Variants in SLC16A9 observed in about 807,000 individuals in gnomAD.
SLC16A9 encodes solute carrier family 16 member 9.
SLC16A9 carries 26 observed loss-of-function variants against 44.3 expected under a neutral mutation model. The ratio of observed to expected loss-of-function variants is 0.59; its 90% CI spans 0.43 to 0.81. The LOEUF (loss-of-function observed/expected upper bound fraction) is 0.81, where lower values mean the gene tolerates loss of function less well. Ranked by LOEUF, SLC16A9 falls within the 40% of genes least tolerant of loss-of-function variation. The pLI, the probability that SLC16A9 is intolerant of heterozygous loss-of-function variation, is 0.00. For synonymous variants in SLC16A9, 230 were observed against 225.1 expected (o/e 1.02, Z -0.19); for missense variants, 559 against 595.8 (o/e 0.94, Z 0.64).
intron 1 of SLC16A9, among the ~76,000 whole-genome samples, chr10:59,690,179 T>A (rs935926784): frequency 6.6e-6 from 1 of 152,102 alleles, no homozygotes; most frequent in Non-Finnish European, 1.5e-5. Flanking sequence ...CAGATCAAGA[T>A]GCTGTCTCAA....
intron 1 of SLC16A9, among the ~76,000 whole-genome samples, chr10:59,685,456 C>A (rs1218516266): frequency 6.6e-6 from 1 of 152,178 alleles, no homozygotes; most frequent in East Asian, 1.9e-4. Flanking sequence ...CTGGCAAACT[C>A]AAGTATAGAT....
intron 2 of SLC16A9, among the ~76,000 whole-genome samples, chr10:59,678,592 G>A (rs1444986832): frequency 3.2e-5 from 3 of 94,160 alleles, no homozygotes; most frequent in Non-Finnish European, 4.3e-5. Context: ...GCCGGACTGC[G>A]GACTGCAGTG....
intron 1 of SLC16A9, among the ~76,000 whole-genome samples, chr10:59,685,681 G>C (rs537648506): frequency 6.6e-6 from 1 of 152,288 alleles, no homozygotes; most frequent in South Asian, 2.1e-4. Context: ...AATGTGCAGT[G>C]AAAAACCTTA....
At chr10:59,665,687 G>A (rs999376564) in intron 3 of SLC16A9, among the ~76,000 whole-genome samples, 7 of 152,152 alleles carry the variant, frequency 4.6e-5, no homozygotes, top group Admixed American at 3.9e-4. Context: ...GCCAAAAAGT[G>A]TCACCCTTAA....
At chr10:59,658,386 A>G (rs1279334781) in intron 4 of SLC16A9, among the ~76,000 whole-genome samples, 2 of 152,116 alleles carry the variant, frequency 1.3e-5, no homozygotes, top group African/African-American at 4.8e-5. Flanking sequence ...AAATTCAAAT[A>G]TTTTAAAGAA....
chr10:59,696,437 G>T (rs796920777), intron 1 of SLC16A9, among the ~76,000 whole-genome samples: 8 of 152,304 alleles, frequency 5.3e-5, no homozygotes, highest in Non-Finnish European at 1.0e-4. Context: ...GTGCAGTGGC[G>T]TGATCTCTGC....
chr10:59,657,351 T>A (rs1416178657), intron 4 of SLC16A9, among the ~76,000 whole-genome samples: 1 of 152,170 alleles, frequency 6.6e-6, no homozygotes, highest in African/African-American at 2.4e-5. Flanking sequence ...AAACCTTCAT[T>A]TCATGCCCAC....
chr10:59,683,063 T>C (rs1207003817), intron 2 of SLC16A9, among the ~76,000 whole-genome samples: 2 of 152,202 alleles, frequency 1.3e-5, no homozygotes, highest in African/African-American at 2.4e-5. Context: ...AAAGAAGGAA[T>C]GACTAATGCA....
intron 3 of SLC16A9, among the ~76,000 whole-genome samples, chr10:59,666,928 A>G (rs1240512540): frequency 1.3e-5 from 2 of 151,660 alleles, no homozygotes; most frequent in Non-Finnish European, 2.9e-5. Context: ...GTCACCATGC[A>G]TTTGACAGCT....
At chr10:59,683,636 A>C (rs973936571) in intron 2 of SLC16A9, among the ~76,000 whole-genome samples, 10 of 152,184 alleles carry the variant, frequency 6.6e-5, no homozygotes, top group Non-Finnish European at 1.2e-4. Flanking sequence ...AAGAGTAATC[A>C]CAAGCCATGT....
chr10:59,686,694 T>A (rs1276099485), intron 1 of SLC16A9, among the ~76,000 whole-genome samples: 3 of 152,220 alleles, frequency 2.0e-5, no homozygotes, highest in Non-Finnish European at 4.4e-5. Context: ...CTTGGGTATA[T>A]ACAATGCACA....
chr10:59,693,779 C>A (rs1263146984), intron 1 of SLC16A9, among the ~76,000 whole-genome samples: 1 of 150,974 alleles, frequency 6.6e-6, no homozygotes, highest in Admixed American at 6.6e-5. Flanking sequence ...GCCACCACAC[C>A]CGGCTAATTT....
intron 1 of SLC16A9, among the ~76,000 whole-genome samples, chr10:59,696,953 G>T (rs1415393147): frequency 1.4e-4 from 20 of 141,448 alleles, no homozygotes; most frequent in Admixed American, 7.6e-4. Flanking sequence ...CCCCCCGCCC[G>T]GCCAGCCGCC....
chr10:59,684,370 G>T, intron 1 of SLC16A9, 43 bp from the exon 2 acceptor site: 1 of 1,226,998 alleles, frequency 8.1e-7, no homozygotes, highest in Non-Finnish European at 1.1e-6. Flanking sequence ...TTTAGAGTGT[G>T]GTAGGGCACA....
At chr10:59,677,063 T>TCACACACA (rs57206841) in intron 2 of SLC16A9, among the ~76,000 whole-genome samples, 3 of 149,236 alleles carry the variant, frequency 2.0e-5, no homozygotes, top group Non-Finnish European at 3.0e-5. Context: ...AATAGGAACT[T>TCACACACA]CACACACACA....
At chr10:59,689,859 T>C (rs1840214868) in intron 1 of SLC16A9, among the ~76,000 whole-genome samples, 1 of 152,230 alleles carries the variant, frequency 6.6e-6, no homozygotes. Flanking sequence ...AGATGTGCCA[T>C]ATCTATTTTT....
intron 1 of SLC16A9, among the ~76,000 whole-genome samples, chr10:59,698,950 G>A (rs573137886): frequency 4.6e-5 from 7 of 152,190 alleles, no homozygotes; most frequent in African/African-American, 1.4e-4. Flanking sequence ...CACCATGTTA[G>A]CCAGGCTTGT....
Position 59,681,714 on chromosome 10 carries a change from G to GA in SLC16A9, c.196+2381_196+2382insT, listed in dbSNP as rs58177143. ...TGTATATATATATGTATATGTATATGTATATGATGTATATGTATATGTATA... is the reference window on the plus strand; with the variant it reads ...TGTATATATATATGTATATGTATATGATATATGATGTATATGTATATGTATA... On this transcript the variant is annotated intron_variant, in intron 2 of 5. Coordinates refer to ENST00000395348, the MANE Select transcript of SLC16A9 (RefSeq NM_194298.3). 2.1e-4 allele frequency among the ~76,000 whole-genome samples: 3 copies of GA among 14,210 alleles called. 1 individual carries two copies. Among genetic ancestry groups the GA allele is most frequent in the African/African-American group, 4.8e-4 (3 of 6,266 alleles). 9.3% of individuals were successfully genotyped at this position (14,210 alleles called of 152,430 possible). A position where few individuals can be genotyped will look rare whatever the true frequency, so the allele number is the denominator to read the frequency against.
intron 1 of SLC16A9, among the ~76,000 whole-genome samples, chr10:59,698,918 A>G (rs1240587488): frequency 1.3e-5 from 2 of 151,804 alleles, no homozygotes; most frequent in Non-Finnish European, 2.9e-5. Context: ...TTTTTCTTGT[A>G]TTTTTAGTAG....
Sources: allele counts gnomAD v4.1 joint callset (sites outside exome capture counted in the v4.1 genomes callset), GRCh38; gene constraint gnomAD v4.1.1; transcripts MANE v1.5; gene names NCBI Gene and HGNC (gene_info 2026-07-23, HGNC 2026-07-21).